HMCN1: variants seen among roughly 807,000 people sequenced by gnomAD.
HMCN1 encodes the protein hemicentin-1.
Under a neutral mutation model 625.9 loss-of-function variants are expected in HMCN1, and 321 were observed. That is an observed-to-expected ratio of 0.51 (90% CI 0.47 to 0.56). The LOEUF is 0.56. Ranked by LOEUF, HMCN1 falls within the 20% of genes least tolerant of loss-of-function variation. HMCN1 has a pLI of 0.00. For synonymous variants in HMCN1, 2,425 were observed against 2,417.6 expected (o/e 1.00, Z -0.09); for missense variants, 6,588 against 6,887.3 (o/e 0.96, Z 1.54).
chr1:186,066,101 A>T (rs921112061), intron 49 of HMCN1, among the ~76,000 whole-genome samples: 3 of 152,212 alleles, frequency 2.0e-5, no homozygotes, highest in Non-Finnish European at 2.9e-5. Context: ...ACAGCCCTCA[A>T]GGAGCTGATA....
intron 4 of HMCN1, among the ~76,000 whole-genome samples, chr1:185,888,026 T>G (rs1362549832): frequency 6.2e-4 from 87 of 140,874 alleles, no homozygotes; most frequent in African/African-American, 2.1e-3. Context: ...GGTATCTCAT[T>G]GTGGTTTTGA....
At chr1:186,104,518 G>A (rs1377691731) in intron 69 of HMCN1, among the ~76,000 whole-genome samples, 1 of 152,162 alleles carries the variant, frequency 6.6e-6, no homozygotes, top group Non-Finnish European at 1.5e-5. Context: ...TGGAAGAAAA[G>A]AGCTAAGAGT....
At chr1:186,049,672 C>T (rs944893669) in intron 42 of HMCN1, among the ~76,000 whole-genome samples, 1 of 151,884 alleles carries the variant, frequency 6.6e-6, no homozygotes, top group Non-Finnish European at 1.5e-5. Flanking sequence ...TTTGTTTAAA[C>T]TTTTTAATTA....
chr1:185,857,254 G>T (rs887989752), intron 2 of HMCN1, among the ~76,000 whole-genome samples: 1 of 152,006 alleles, frequency 6.6e-6, no homozygotes, highest in African/African-American at 2.4e-5. Context: ...AAAGGTCTTT[G>T]GCAATTTAGT....
chr1:185,860,399 T>C (rs936010463), intron 2 of HMCN1, among the ~76,000 whole-genome samples: 2 of 152,182 alleles, frequency 1.3e-5, no homozygotes, highest in African/African-American at 4.8e-5. Context: ...TTAAGCTGCA[T>C]AGAGCACTCC....
At chr1:185,857,457 C>A (rs1662536317) in intron 2 of HMCN1, among the ~76,000 whole-genome samples, 1 of 146,238 alleles carries the variant, frequency 6.8e-6, no homozygotes, top group Non-Finnish European at 1.5e-5. Context: ...CTCCATTATA[C>A]CTTTCATTTG....
intron 6 of HMCN1, among the ~76,000 whole-genome samples, chr1:185,913,016 GT>G (rs397955728): frequency 1.3e-3 from 201 of 149,324 alleles, no homozygotes; most frequent in East Asian, 6.9e-3. Flanking sequence ...ATGCCAGTCA[GT>G]TTTTTTTTTA....
In HMCN1 at chr1:185,929,780, T is replaced by C. The variant is rs76839847; in HGVS notation, c.1552+1113T>C. Among the ~76,000 whole-genome samples the C allele has an allele frequency of 3.0e-3, 450 of 152,296 alleles. 19 individuals are homozygous for C. The East Asian group carries it at 0.082, about 28-fold the overall frequency. ...CAAGCATGTTCTTGCAGTTAAACTA[T>C]TTGTATTCTCTTACTGCTAGAAAAA... is the stretch of plus-strand genomic sequence containing the variant. On this transcript the variant is annotated intron_variant, in intron 10 of 106. Coordinates refer to ENST00000271588, the MANE Select transcript of HMCN1 (RefSeq NM_031935.3).
At chr1:186,106,846 A>T in intron 69 of HMCN1, 38 bp from the exon 70 acceptor site, 1 of 1,306,614 alleles carries the variant, frequency 7.7e-7, no homozygotes, top group Non-Finnish European at 1.1e-6. Context: ...AAAAGCTAAC[A>T]TGTTAACATT....
At chr1:186,131,272 G>A (rs1661917078) in intron 85 of HMCN1, among the ~76,000 whole-genome samples, 1 of 152,080 alleles carries the variant, frequency 6.6e-6, no homozygotes. Context: ...CAGTGGACCA[G>A]TCTTAGTCTT....
rs1483130461 is a variant in HMCN1 at position 186,136,868 on chromosome 1, T to G, written c.13513T>G (p.Ser4505Ala). 1 of 1,614,018 alleles carries G rather than the reference T, an allele frequency of 6.2e-7. No individual in the cohort carries two copies. The highest frequency in any genetic ancestry group is 8.5e-7 in the Non-Finnish European group (1 of 1,179,948). Residue 4505 changes from serine (S) to alanine (A), a missense_variant, in exon 87 of 107, where the codon TCT becomes GCT. Coordinates refer to ENST00000271588, the MANE Select transcript of HMCN1 (RefSeq NM_031935.3). ...YIADAQKEDT[S>A]EFECVARNLM... ...TGCTGATGCTCAGAAAGAAGATACC[T>G]CTGAATTTGAATGTGTTGCTCGAAA...
At chr1:185,819,796 C>T (rs1281407983) in intron 1 of HMCN1, among the ~76,000 whole-genome samples, 3 of 152,084 alleles carry the variant, frequency 2.0e-5, no homozygotes, top group African/African-American at 7.2e-5. Context: ...TATATTGAAC[C>T]ACTGGGTGTT....
chr1:185,822,899 C>G (rs1017535551), intron 1 of HMCN1, among the ~76,000 whole-genome samples: 1 of 151,902 alleles, frequency 6.6e-6, no homozygotes. Flanking sequence ...TTTTAGAAAA[C>G]TTAGAAACTA....
At chr1:185,965,774 TG>T in intron 13 of HMCN1, 27 bp from the exon 14 acceptor site, 1 of 1,223,428 alleles carries the variant, frequency 8.2e-7, no homozygotes. Flanking sequence ...TGCTAAATGT[TG>T]ACTATTTGCG....
At chr1:185,904,334 G>C (rs935538263) in intron 4 of HMCN1, among the ~76,000 whole-genome samples, 8 of 151,720 alleles carry the variant, frequency 5.3e-5, no homozygotes, top group African/African-American at 1.7e-4. Flanking sequence ...CTATAACATA[G>C]GGTTTACTAC....
chr1:186,055,807 C>T, intron 45 of HMCN1, 133 bp downstream of exon 45: 1 of 865,766 alleles, frequency 1.2e-6, no homozygotes, highest in Non-Finnish European at 1.9e-6. Flanking sequence ...TACCTTTTCC[C>T]CAGGTCAGTC....
chr1:186,086,592 G>A (rs1019207661), intron 58 of HMCN1, among the ~76,000 whole-genome samples, 185 bp downstream of exon 58: 9 of 151,964 alleles, frequency 5.9e-5, no homozygotes, highest in Non-Finnish European at 1.3e-4. Context: ...GATTTTAGTG[G>A]GAATGTACAA....
At chr1:186,031,446 T>C (rs1655433423) in intron 36 of HMCN1, among the ~76,000 whole-genome samples, 1 of 152,066 alleles carries the variant, frequency 6.6e-6, no homozygotes, top group Non-Finnish European at 1.5e-5. Context: ...AGATTGTTCC[T>C]TAGTTGTTGG....
chr1:186,038,882 T>C lies in HMCN1; in HGVS notation c.5905T>C (p.Phe1969Leu), dbSNP rs772205746. ...ACTCTCAGGTTCCACCAGCATGACT[T>C]TCTTGAACAGAGGACAGATCATTGA... ...RLLSGSTSMT[F>L]LNRGQIIDIE... Residue 1969 changes from phenylalanine (F) to leucine (L), a missense_variant, in exon 38 of 107, where the codon TTC becomes CTC. Physicochemically the swap from Phe to Leu is conservative, Grantham distance 22. Coordinates refer to ENST00000271588, the MANE Select transcript of HMCN1 (RefSeq NM_031935.3). 5 of 1,604,570 alleles carry C rather than the reference T, an allele frequency of 3.1e-6. No individual in the cohort carries two copies. The Admixed American group carries it at 8.3e-5, about 27-fold the overall frequency.
Sources: allele counts gnomAD v4.1 joint callset (sites outside exome capture counted in the v4.1 genomes callset), GRCh38; gene constraint gnomAD v4.1.1; transcripts MANE v1.5; gene names NCBI Gene and HGNC (gene_info 2026-07-23, HGNC 2026-07-21).